Variants in ANOS1 observed in about 807,000 individuals in gnomAD.
ANOS1 encodes the protein anosmin-1.
ANOS1 carries 6 observed loss-of-function variants against 59.0 expected under a neutral mutation model. That is an observed-to-expected ratio of 0.10 (90% confidence interval 0.06 to 0.20). ANOS1 has a LOEUF of 0.20. ANOS1 is among the 10% of genes least tolerant of loss of function. ANOS1 has a pLI of 1.00. For missense variants in ANOS1, 433 were observed against 542.3 expected (o/e 0.80, Z 2.00); for synonymous variants, 217 against 223.4 (o/e 0.97, Z 0.25).
intron 7 of ANOS1, 73 bp from the exon 8 acceptor site, chrX:8,568,449 G>C (rs182652302): frequency 1.0e-6 from 1 of 973,446 alleles, no homozygotes; most frequent in African/African-American, 1.9e-5. Context: ...GCAAAATCTC[G>C]TGTGTCATTA....
chrX:8,701,693 T>C (rs1414074780), intron 1 of ANOS1, among the ~76,000 whole-genome samples: 3 of 112,403 alleles, frequency 2.7e-5, no homozygotes, highest in Non-Finnish European at 5.6e-5. Flanking sequence ...ATGTACATTG[T>C]AGTATATATT....
At chrX:8,655,667 T>A (rs1360975436) in intron 2 of ANOS1, among the ~76,000 whole-genome samples, 1 of 111,607 alleles carries the variant, frequency 9.0e-6, no homozygotes, top group Non-Finnish European at 1.9e-5. Flanking sequence ...GTCTAATTTA[T>A]CTCCTCCTCC....
intron 9 of ANOS1, among the ~76,000 whole-genome samples, chrX:8,548,612 ATC>A (rs1405948192): frequency 2.7e-5 from 3 of 112,583 alleles, no homozygotes; most frequent in Non-Finnish European, 5.6e-5. Flanking sequence ...TGTAGAATGA[ATC>A]TCTGTCTCTT....
At chrX:8,543,708 A>G (rs1187298734) in intron 9 of ANOS1, among the ~76,000 whole-genome samples, 1 of 110,615 alleles carries the variant, frequency 9.0e-6, no homozygotes, top group Non-Finnish European at 1.9e-5. Flanking sequence ...TACTAAAAAT[A>G]CAAAAATTAG....
intron 2 of ANOS1, among the ~76,000 whole-genome samples, chrX:8,655,545 C>T (rs1044798394): frequency 2.7e-5 from 3 of 111,372 alleles, no homozygotes; most frequent in African/African-American, 9.8e-5. Context: ...GACACATCAC[C>T]ACAATCATGC....
chrX:8,703,577 T>C (rs1054961420), intron 1 of ANOS1, among the ~76,000 whole-genome samples: 13 of 111,322 alleles, frequency 1.2e-4, no homozygotes, highest in Non-Finnish European at 1.9e-4. Flanking sequence ...TTAACCTCAA[T>C]GGTAAACAAC....
At chrX:8,617,570 T>G (rs765672932) in intron 3 of ANOS1, among the ~76,000 whole-genome samples, 1 of 110,626 alleles carries the variant, frequency 9.0e-6, no homozygotes, top group African/African-American at 3.3e-5. Flanking sequence ...CACCTGAAGT[T>G]AGCAGTTCAA....
At chrX:8,722,606 T>C (rs964550507) in intron 1 of ANOS1, among the ~76,000 whole-genome samples, 16 of 108,952 alleles carry the variant, frequency 1.5e-4, no homozygotes, top group East Asian at 8.7e-4. Flanking sequence ...CACACACACA[T>C]ACACACCACA....
chrX:8,530,690 A>C lies in ANOS1; in HGVS notation c.*2305T>G, dbSNP rs1376240667. On this transcript the variant is annotated 3_prime_UTR_variant, in exon 14 of 14. Transcript: ENST00000262648. ...CCAATGTCTATTACCCAGACAAAAG[A>C]AGCATGATTAAATTTTATAAAATTA... 4 of 110,155 alleles carry C rather than the reference A, an allele frequency of 3.6e-5. No individual in the cohort carries two copies. Among genetic ancestry groups the C allele is most frequent in the Non-Finnish European group, 7.6e-5 (4 of 52,757 alleles). The allele number at this position is 110,155 out of a possible 1,213,427, so 9.1% of individuals were successfully genotyped here.
chrX:8,624,017 T>C (rs753306437), intron 2 of ANOS1, among the ~76,000 whole-genome samples: 1,820 of 85,161 alleles, frequency 0.021, 45 homozygotes, highest in African/African-American at 0.085. Context: ...TTTTCTTTTT[T>C]TTTTTTTTTT....
chrX:8,603,481 C>T (rs1406929877), intron 3 of ANOS1, among the ~76,000 whole-genome samples: 2 of 111,976 alleles, frequency 1.8e-5, no homozygotes, highest in Admixed American at 9.5e-5. Context: ...AATTTATCCA[C>T]CTGTGGCAAG....
At chrX:8,693,827 G>A (rs959212899) in intron 2 of ANOS1, among the ~76,000 whole-genome samples, 3 of 102,371 alleles carry the variant, frequency 2.9e-5, no homozygotes, top group African/African-American at 1.1e-4. Flanking sequence ...GGGTTCAAGC[G>A]ACTCTCCTTT....
chrX:8,659,584 GCCTT>G (rs201790891), intron 2 of ANOS1, among the ~76,000 whole-genome samples: 20,387 of 57,395 alleles, frequency 0.36, 3,029 homozygotes, highest in South Asian at 0.42. Context: ...TTGCTTGCTT[GCCTT>G]CCTTCCTTCC....
chrX:8,609,333 A>G (rs944269086), intron 3 of ANOS1, among the ~76,000 whole-genome samples: 2 of 111,948 alleles, frequency 1.8e-5, no homozygotes, highest in Non-Finnish European at 3.8e-5. Flanking sequence ...GGCCTTATAA[A>G]GATTATTTTC....
intron 9 of ANOS1, among the ~76,000 whole-genome samples, chrX:8,549,476 G>A (rs1929822664): frequency 8.9e-6 from 1 of 112,334 alleles, no homozygotes; most frequent in Admixed American, 9.5e-5. Flanking sequence ...CACTTGTATT[G>A]CAAATTGGAC....
At chrX:8,597,356 C>T (rs2146827399) in intron 3 of ANOS1, 100 bp from the exon 4 acceptor site, 1 of 718,172 alleles carries the variant, frequency 1.4e-6, no homozygotes. Context: ...CCCCACCAAA[C>T]CTTTGTTTGA....
Position 8,590,363 on chromosome X carries a change from T to C in ANOS1, c.542-2385A>G, listed in dbSNP as rs912494219. On this transcript the variant is annotated intron_variant, in intron 4 of 13. Transcript: ENST00000262648. ...TGGTTTTTTTGTTTGTTTGTTTGTT[T>C]GTTTTCATTCTGAAATGTCTTGCCT... Among the ~76,000 whole-genome samples the C allele has an allele frequency of 2.7e-5, 3 of 112,020 alleles. No homozygotes were observed. In the Admixed American group the frequency reaches 2.9e-4, roughly 11 times the overall value.
At chrX:8,701,434 G>C (rs1451632428) in intron 1 of ANOS1, among the ~76,000 whole-genome samples, 1 of 112,165 alleles carries the variant, frequency 8.9e-6, no homozygotes, top group Non-Finnish European at 1.9e-5. Flanking sequence ...TGTACAACTT[G>C]AGTATATTCA....
Position 8,721,726 on chromosome X carries a change from C to T in ANOS1, c.207+10104G>A, listed in dbSNP as rs542554675. 5.3e-5 allele frequency among the ~76,000 whole-genome samples: 6 copies of T among 112,680 alleles called. No homozygotes were observed. In the South Asian group the frequency reaches 2.2e-3, roughly 41 times the overall value. On this transcript the variant is annotated intron_variant, in intron 1 of 13. Coordinates refer to ENST00000262648, the MANE Select transcript of ANOS1 (RefSeq NM_000216.4). ...ACCAGATTAGCAAGAACCAGCAAGA[C>T]ACACATCCCTAAGTGTTGTGGCTTG...
Sources: allele counts gnomAD v4.1 joint callset (sites outside exome capture counted in the v4.1 genomes callset), GRCh38; gene constraint gnomAD v4.1.1; transcripts MANE v1.5; gene names NCBI Gene and HGNC (gene_info 2026-07-23, HGNC 2026-07-21).